Variants in MPPED2 observed in about 807,000 individuals in gnomAD.
MPPED2 encodes metallophosphoesterase domain containing 2.
Under a neutral mutation model 33.0 loss-of-function variants are expected in MPPED2, and 5 were observed. The observed-to-expected ratio is 0.15, with a 90% CI of 0.08 to 0.32. The LOEUF is 0.32. Among genes scored for constraint, MPPED2 ranks in the 10% least tolerant of loss-of-function variants. The probability of loss-of-function intolerance (pLI) is 1.00; values close to 1 mark genes in which losing one functional copy is unlikely to be tolerated. For missense variants in MPPED2, 275 were observed against 372.1 expected (o/e 0.74, Z 2.15); for synonymous variants, 136 against 141.9 (o/e 0.96, Z 0.29).
chr11:30,584,395 C>A (rs998021001), intron 1 of MPPED2, among the ~76,000 whole-genome samples: 3 of 145,668 alleles, frequency 2.1e-5, no homozygotes, highest in Non-Finnish European at 4.5e-5. Flanking sequence ...ACTCGCCCTG[C>A]CCTTCTAGGC....
intron 3 of MPPED2, among the ~76,000 whole-genome samples, chr11:30,529,974 C>G (rs977923867): frequency 1.6e-4 from 25 of 152,036 alleles, no homozygotes; most frequent in African/African-American, 6.0e-4. Context: ...CAATCCAGAC[C>G]AAAGAAAGGC....
rs377451398 is a variant in MPPED2 at position 30,411,967 on chromosome 11, A to G, written c.767-381T>C. Among the ~76,000 whole-genome samples, 163 of 151,838 alleles carry G rather than the reference A, an allele frequency of 1.1e-3. 6 individuals carry two copies. The South Asian group carries it at 0.033, about 30-fold the overall frequency. On this transcript the variant is annotated intron_variant, in intron 6 of 6. Transcript: ENST00000358117. Reference sequence around the variant, plus strand: ...GAATAAAATGAGTAATATAAGGATTACTCCTCAGGGGCAAACACAACTAAA... The same window carrying G: ...GAATAAAATGAGTAATATAAGGATTGCTCCTCAGGGGCAAACACAACTAAA...
At chr11:30,535,585 A>G (rs1003701019) in intron 3 of MPPED2, among the ~76,000 whole-genome samples, 7 of 152,132 alleles carry the variant, frequency 4.6e-5, no homozygotes, top group Non-Finnish European at 1.0e-4. Context: ...TAACCCCTTC[A>G]TTTCTTAGAA....
intron 4 of MPPED2, among the ~76,000 whole-genome samples, chr11:30,440,928 C>T (rs747229884): frequency 6.6e-6 from 1 of 152,164 alleles, no homozygotes; most frequent in Non-Finnish European, 1.5e-5. Flanking sequence ...AAAACGGGTG[C>T]TTTGCTCAAA....
At chr11:30,416,124 T>C (rs1278793980) in intron 5 of MPPED2, among the ~76,000 whole-genome samples, 2 of 152,268 alleles carry the variant, frequency 1.3e-5, no homozygotes, top group East Asian at 1.9e-4. Context: ...AAGTGTAATA[T>C]TTTAAAACAT....
At chr11:30,468,267 CTCTCTCTCT>C in intron 4 of MPPED2, among the ~76,000 whole-genome samples, 1 of 105,178 alleles carries the variant, frequency 9.5e-6, no homozygotes, top group Non-Finnish European at 2.5e-5. Context: ...CTCTCTCTCT[CTCTCTCTCT>C]CTCTTTCAAT....
At chr11:30,399,805 G>A (rs1346703791) in intron 6 of MPPED2, among the ~76,000 whole-genome samples, 2 of 151,914 alleles carry the variant, frequency 1.3e-5, no homozygotes, top group Non-Finnish European at 2.9e-5. Flanking sequence ...AAACATATTG[G>A]GAGAAAATAT....
chr11:30,568,749 AT>A (rs1222168586), intron 2 of MPPED2, among the ~76,000 whole-genome samples: 2 of 152,118 alleles, frequency 1.3e-5, no homozygotes, highest in Non-Finnish European at 2.9e-5. Flanking sequence ...AAGTTAAATT[AT>A]TTTTTCCCTC....
chr11:30,436,784 T>C (rs565141473), intron 4 of MPPED2, among the ~76,000 whole-genome samples: 1 of 152,362 alleles, frequency 6.6e-6, no homozygotes, highest in Non-Finnish European at 1.5e-5. Context: ...CATTAAGTCC[T>C]AGATGGATTT....
intron 2 of MPPED2, among the ~76,000 whole-genome samples, chr11:30,570,101 T>C (rs1473947205): frequency 6.6e-6 from 1 of 152,154 alleles, no homozygotes; most frequent in Non-Finnish European, 1.5e-5. Flanking sequence ...TTTGAGATGC[T>C]ATTAACAAAA....
intron 6 of MPPED2, among the ~76,000 whole-genome samples, chr11:30,390,047 T>C (rs963893100): frequency 5.3e-5 from 8 of 152,350 alleles, no homozygotes; most frequent in African/African-American, 1.9e-4. Flanking sequence ...TAAATATATT[T>C]AGTATGTAAG....
intron 2 of MPPED2, among the ~76,000 whole-genome samples, chr11:30,575,534 T>C (rs558100511): frequency 3.3e-5 from 5 of 152,218 alleles, no homozygotes; most frequent in Non-Finnish European, 5.9e-5. Flanking sequence ...TTTCAGACCA[T>C]ATTCTCAGCT....
At chr11:30,510,162 T>C (rs1270200326) in intron 3 of MPPED2, among the ~76,000 whole-genome samples, 1 of 152,214 alleles carries the variant, frequency 6.6e-6, no homozygotes, top group Non-Finnish European at 1.5e-5. Context: ...AGATACTCTT[T>C]TGTTTTTAAC....
intron 2 of MPPED2, among the ~76,000 whole-genome samples, chr11:30,571,058 T>C (rs1440609302): frequency 6.6e-6 from 1 of 152,166 alleles, no homozygotes; most frequent in East Asian, 1.9e-4. Flanking sequence ...ACTTCGGTAA[T>C]GGTCTAATTC....
chr11:30,459,734 G>T (rs1241365369), intron 4 of MPPED2, among the ~76,000 whole-genome samples: 1 of 152,094 alleles, frequency 6.6e-6, no homozygotes, highest in Non-Finnish European at 1.5e-5. Context: ...CCTCCTCTTG[G>T]CCCAAACCTG....
At chr11:30,453,769 A>G (rs1950164502) in intron 4 of MPPED2, among the ~76,000 whole-genome samples, 1 of 152,210 alleles carries the variant, frequency 6.6e-6, no homozygotes, top group African/African-American at 2.4e-5. Flanking sequence ...TTGAAAGGGC[A>G]AATGCCCTCC....
intron 4 of MPPED2, among the ~76,000 whole-genome samples, chr11:30,459,127 G>A (rs886606547): frequency 1.3e-5 from 2 of 151,094 alleles, no homozygotes; most frequent in African/African-American, 2.4e-5. Context: ...GGGTTTCACC[G>A]TTTTTTAGCC....
chr11:30,550,757 T>C (rs1009369660), intron 2 of MPPED2, among the ~76,000 whole-genome samples: 2 of 152,152 alleles, frequency 1.3e-5, no homozygotes, highest in African/African-American at 4.8e-5. Flanking sequence ...CAGGTCCAGT[T>C]CAGGCCCCTT....
At chr11:30,412,635 G>C (rs979125884) in intron 6 of MPPED2, among the ~76,000 whole-genome samples, 1 of 152,168 alleles carries the variant, frequency 6.6e-6, no homozygotes, top group Non-Finnish European at 1.5e-5. Context: ...TAAAATCTGC[G>C]CTGTTTAGTT....
Sources: allele counts gnomAD v4.1 joint callset (sites outside exome capture counted in the v4.1 genomes callset), GRCh38; gene constraint gnomAD v4.1.1; transcripts MANE v1.5; gene names NCBI Gene and HGNC (gene_info 2026-07-23, HGNC 2026-07-21).